DNAH14: variants seen among roughly 807,000 people sequenced by gnomAD.
The protein encoded by DNAH14 is dynein axonemal heavy chain 14, also known as axonemal beta dynein heavy chain 14.
DNAH14 carries 478 observed loss-of-function variants against 520.9 expected under a neutral mutation model. That is an observed-to-expected ratio of 0.92 (90% CI 0.85 to 0.99). The LOEUF is 0.99. Among genes scored for constraint, DNAH14 ranks in the 50% least tolerant of loss-of-function variants. The pLI is 0.00. For missense variants in DNAH14, 4,831 were observed against 5,234.5 expected (o/e 0.92, Z 2.38); for synonymous variants, 1,581 against 1,757.2 (o/e 0.90, Z 2.51).
At chr1:225,189,828 A>T (rs1406442401) in intron 37 of DNAH14, among the ~76,000 whole-genome samples, 1 of 151,724 alleles carries the variant, frequency 6.6e-6, no homozygotes, top group East Asian at 1.9e-4. Flanking sequence ...TTGCGATTTT[A>T]TTCTATGTCT....
intron 55 of DNAH14, among the ~76,000 whole-genome samples, chr1:225,300,039 G>A (rs1018793150): frequency 1.4e-4 from 21 of 152,184 alleles, no homozygotes; most frequent in Middle Eastern, 3.4e-3. Context: ...AAAGCAAAAT[G>A]TCCTTACATT....
chr1:225,231,504 A>G (rs1293589495), intron 42 of DNAH14, among the ~76,000 whole-genome samples: 1 of 152,148 alleles, frequency 6.6e-6, no homozygotes, highest in East Asian at 1.9e-4. Context: ...TTTTTCATTT[A>G]TAAAACTGGA....
chr1:225,239,039 C>T lies in DNAH14; in HGVS notation c.6519-1554C>T, dbSNP rs150508990. Among the ~76,000 whole-genome samples, 1,166 of 152,324 alleles carry T rather than the reference C, an allele frequency of 7.7e-3. 10 individuals carry two copies. The highest frequency in any genetic ancestry group is 0.011 in the Non-Finnish European group (743 of 68,034). The stretch of plus-strand genomic sequence containing the variant: ...CTGCCCCCTGGGAATTTGGTCCCAT[C>T]TCACACAGCCTCCAGCCTATTGCCA... On this transcript the variant is annotated intron_variant, in intron 42 of 85. Transcript: ENST00000682510.
At chr1:225,296,955 A>T (rs1025579576) in intron 55 of DNAH14, among the ~76,000 whole-genome samples, 1 of 152,158 alleles carries the variant, frequency 6.6e-6, no homozygotes, top group South Asian at 2.1e-4. Context: ...AATGTTCCTC[A>T]GATAGGCTTT....
intron 52 of DNAH14, among the ~76,000 whole-genome samples, chr1:225,274,197 A>ATTTTTTTTTTTTTTT (rs869247051): frequency 8.6e-5 from 8 of 92,882 alleles, no homozygotes; most frequent in African/African-American, 1.6e-4. Context: ...AGCATCTGTT[A>ATTTTTTTTTTTTTTT]TTTTTTTTTT....
Position 224,968,807 on chromosome 1 carries a change from T to C in DNAH14, c.700T>C (p.Leu234=). Residue 234 remains leucine (L), a synonymous_variant, in exon 7 of 86, where the codon TTG becomes CTG. Transcript: ENST00000682510. ...AAAGGAAGTAGAACTCATACCTACT[T>C]TGGAATGGCTATCAGAAAGAAGACA... ...SVKEVELIPT[L]EWLSERRHYY... 4 of 1,541,682 alleles carry C rather than the reference T, an allele frequency of 2.6e-6. No homozygotes were observed. The highest frequency in any genetic ancestry group is 3.5e-6 in the Non-Finnish European group (4 of 1,143,262).
chr1:225,249,083 C>T (rs1239264521), intron 43 of DNAH14, among the ~76,000 whole-genome samples: 3 of 152,144 alleles, frequency 2.0e-5, no homozygotes, highest in African/African-American at 4.8e-5. Context: ...CATAAGAAGC[C>T]AAATGAAAGC....
chr1:225,371,876 TA>T (rs1424241818), intron 77 of DNAH14, among the ~76,000 whole-genome samples: 1 of 152,164 alleles, frequency 6.6e-6, no homozygotes, highest in African/African-American at 2.4e-5. Context: ...AAATAAAGAA[TA>T]GCATAAATTA....
chr1:224,989,442 CACTT>C (rs1240310997), intron 8 of DNAH14, among the ~76,000 whole-genome samples: 5 of 151,050 alleles, frequency 3.3e-5, no homozygotes, highest in African/African-American at 9.9e-5. Context: ...TTGTTGAACT[CACTT>C]AATAGTTCTA....
chr1:225,082,576 A>C lies in DNAH14; in HGVS notation c.3164A>C (p.His1055Pro), dbSNP rs1175847510. 1.0e-5 allele frequency: 16 copies of C among 1,551,300 alleles called. No homozygotes were observed. The highest frequency in any genetic ancestry group is 1.3e-5 in the Non-Finnish European group (15 of 1,146,884). ...KGLPKSDMVT[H>P]LKQVVTEFKQ... ...TTACCTAAAAGCGATATGGTAACACATCTTAAGCAAGTGGTAACAGAGTTT... is the reference window on the plus strand; with the variant it reads ...TTACCTAAAAGCGATATGGTAACACCTCTTAAGCAAGTGGTAACAGAGTTT... Residue 1055 changes from histidine (H) to proline (P), a missense_variant, in exon 20 of 86, where the codon CAT becomes CCT. By Grantham distance (77) the His-to-Pro change is moderately conservative. Coordinates refer to ENST00000682510, the MANE Select transcript of DNAH14 (RefSeq NM_001367479.1).
chr1:225,062,581 G>A (rs554953577), intron 17 of DNAH14, among the ~76,000 whole-genome samples: 1 of 152,266 alleles, frequency 6.6e-6, no homozygotes, highest in South Asian at 2.1e-4. Context: ...CTGCCCTGGG[G>A]TCCTGTGACT....
intron 43 of DNAH14, among the ~76,000 whole-genome samples, chr1:225,249,069 A>C (rs2149692189): frequency 6.6e-6 from 1 of 152,288 alleles, no homozygotes; most frequent in South Asian, 2.1e-4. Context: ...AAGATTTATA[A>C]TGGCATAAGA....
intron 15 of DNAH14, among the ~76,000 whole-genome samples, chr1:225,045,731 T>C (rs1400219513): frequency 1.3e-5 from 2 of 152,138 alleles, no homozygotes; most frequent in Admixed American, 6.5e-5. Context: ...GACATTGATA[T>C]ACCTTTTCAC....
At chr1:225,199,412 C>T (rs1190830576) in intron 38 of DNAH14, among the ~76,000 whole-genome samples, 1 of 151,898 alleles carries the variant, frequency 6.6e-6, no homozygotes, top group Non-Finnish European at 1.5e-5. Context: ...TCTCTAGTTC[C>T]TTGAAGTGTG....
At chr1:225,085,450 G>A in intron 20 of DNAH14, 94 bp from the exon 21 acceptor site, 2 of 1,128,082 alleles carry the variant, frequency 1.8e-6, no homozygotes, top group Admixed American at 2.8e-5. Context: ...TATTTTTGAT[G>A]TGCCTTTCAA....
At chr1:225,230,052 A>G (rs1263718594) in intron 41 of DNAH14, among the ~76,000 whole-genome samples, 1 of 152,182 alleles carries the variant, frequency 6.6e-6, no homozygotes, top group East Asian at 1.9e-4. Flanking sequence ...GCTATTTGAC[A>G]TTATATGCTA....
At position 225,231,055 on chromosome 1, in the gene DNAH14, T is replaced by C; in HGVS notation, c.6440-18T>C. On this transcript the variant is annotated intron_variant, in intron 41 of 85. Transcript: ENST00000682510. ...AGGTCTGTTGTTAATTATGGAAAAA[T>C]ACTCTTTCCTTTTTAAGGTGATGAT... 6.5e-7 allele frequency: 1 copy of C among 1,533,524 alleles called. No individual in the cohort carries two copies. Among genetic ancestry groups the C allele is most frequent in the Non-Finnish European group, 8.8e-7 (1 of 1,135,346 alleles). 95.0% of individuals were successfully genotyped at this position (1,533,524 alleles called of 1,614,324 possible). A position where few individuals can be genotyped will look rare whatever the true frequency, so the allele number is the denominator to read the frequency against.
chr1:225,209,138 C>G (rs575489685), intron 41 of DNAH14, among the ~76,000 whole-genome samples: 12 of 152,182 alleles, frequency 7.9e-5, no homozygotes, highest in Admixed American at 7.9e-4. Flanking sequence ...CTTAATCTTT[C>G]TTATTTTTAT....
At chr1:225,142,259 CTG>C (rs2149032714) in intron 28 of DNAH14, among the ~76,000 whole-genome samples, 1 of 152,144 alleles carries the variant, frequency 6.6e-6, no homozygotes, top group African/African-American at 2.4e-5. Context: ...TAATAAGACT[CTG>C]TAAGTGTCTA....
Sources: allele counts gnomAD v4.1 joint callset (sites outside exome capture counted in the v4.1 genomes callset), GRCh38; gene constraint gnomAD v4.1.1; transcripts MANE v1.5; gene names NCBI Gene and HGNC (gene_info 2026-07-23, HGNC 2026-07-21).